ITIH4: variants seen among roughly 807,000 people sequenced by gnomAD.
ITIH4 encodes the protein inter-alpha-trypsin inhibitor heavy chain H4.
A neutral mutation model predicts 111.8 loss-of-function variants in ITIH4; 79 were observed. The ratio of observed to expected loss-of-function variants is 0.71; its 90% CI spans 0.59 to 0.85. The LOEUF is 0.85. Ranked by LOEUF, ITIH4 falls within the 40% of genes least tolerant of loss-of-function variation. The pLI is 0.00. For synonymous variants in ITIH4, 472 were observed against 468.3 expected, an observed-to-expected ratio of 1.01 and a Z score of -0.10; for missense variants, 1,065 against 1,195.8, an observed-to-expected ratio of 0.89 and a Z score of 1.61.
At position 52,819,374 on chromosome 3, in the gene ITIH4, G is replaced by A. The variant is rs1452176388; in HGVS notation, c.2077+19C>T. 2 of 1,613,644 alleles carry A rather than the reference G, an allele frequency of 1.2e-6. No individual in the cohort carries two copies. Among genetic ancestry groups the A allele is most frequent in the South Asian group, 2.2e-5 (2 of 91,076 alleles). ...ACCGTGGGAAACCGAGGCCCTCGCA[G>A]GGCCGGAAGGCAGCTTACAGATGGC... On this transcript the variant is annotated intron_variant, in intron 17 of 23. Transcript: ENST00000266041.
intron 13 of ITIH4, 84 bp downstream of exon 13, chr3:52,820,547 T>C: frequency 4.0e-6 from 6 of 1,491,172 alleles, no homozygotes; most frequent in Admixed American, 2.0e-5. Context: ...GTTGGGGTCT[T>C]GGTCAGGATG....
At chr3:52,822,433 C>G (rs1700399918) in intron 11 of ITIH4, 1 of 152,116 alleles carries the variant, frequency 6.6e-6, no homozygotes, top group Non-Finnish European at 1.5e-5. Context: ...TAAAACAAGC[C>G]ATGTCTGTCT....
At chr3:52,830,464 T>C (rs974216392) in intron 1 of ITIH4, 89 bp downstream of exon 1, 17 of 1,261,004 alleles carry the variant, frequency 1.3e-5, no homozygotes, top group Non-Finnish European at 1.9e-5. Context: ...GCACTTGTGC[T>C]GACACGCTGG....
At chr3:52,825,016 T>C in intron 6 of ITIH4, 58 bp from the exon 7 acceptor site, 1 of 1,173,540 alleles carries the variant, frequency 8.5e-7, no homozygotes, top group Non-Finnish European at 1.2e-6. Flanking sequence ...CCTATCCCCA[T>C]TCAGCCCCTT....
chr3:52,828,155 C>T (rs1353784970), intron 2 of ITIH4, among the ~76,000 whole-genome samples: 3 of 152,192 alleles, frequency 2.0e-5, no homozygotes, highest in Non-Finnish European at 4.4e-5. Context: ...TCTCTGCTCC[C>T]CTAACTCATG....
At chr3:52,815,597 C>T (rs368943892) in intron 21 of ITIH4, among the ~76,000 whole-genome samples, 133 of 152,164 alleles carry the variant, frequency 8.7e-4, no homozygotes, top group African/African-American at 3.1e-3. Context: ...TCTCTCCCTA[C>T]AATTAATAGG....
chr3:52,830,337 GA>G, intron 1 of ITIH4: 1 of 649,922 alleles, frequency 1.5e-6, no homozygotes, highest in Non-Finnish European at 2.9e-6. Flanking sequence ...TCCTCATTTG[GA>G]AAATGGAAAT....
At chr3:52,814,425 T>C in intron 21 of ITIH4, 62 bp from the exon 22 acceptor site, 1 of 1,486,182 alleles carries the variant, frequency 6.7e-7, no homozygotes. Flanking sequence ...ACCTCAGTAG[T>C]CAGGGTGGGG....
intron 14 of ITIH4, 94 bp from the exon 15 acceptor site, chr3:52,820,084 C>T (rs1700351188): frequency 1.4e-6 from 2 of 1,405,330 alleles, no homozygotes; most frequent in Non-Finnish European, 2.0e-6. Flanking sequence ...GGGGACAGGG[C>T]CTGAGGCACA....
Position 52,824,526 on chromosome 3 carries a change from G to A in ITIH4, c.916C>T (p.Pro306Ser). Reference protein sequence around the residue: ...ALIKILDDLSPRDQFNLIVFS... With the variant: ...ALIKILDDLSSRDQFNLIVFS... Reference sequence around the variant, plus strand: ...ACGATGAGGTTGAACTGGTCTCTGGGGCTGAGGTCATCCAGGATCTTGATT... The same window carrying A: ...ACGATGAGGTTGAACTGGTCTCTGGAGCTGAGGTCATCCAGGATCTTGATT... The change falls in exon 8 of 24, where the codon CCC becomes TCC. Residue 306 changes from proline to serine, a missense_variant. By Grantham distance (74) the Pro-to-Ser change is moderately conservative. Coordinates refer to ENST00000266041, the MANE Select transcript of ITIH4 (RefSeq NM_002218.5). This position sits in a 1 kb window ranked among gnomAD's most constrained non-coding sequence, Gnocchi z 4.3. 1.2e-6 allele frequency: 2 copies of A among 1,613,876 alleles called. No homozygotes were observed. Among genetic ancestry groups the A allele is most frequent in the Non-Finnish European group, 1.7e-6 (2 of 1,179,994 alleles).
intron 17 of ITIH4, chr3:52,819,072 G>A (rs564870746): frequency 3.8e-5 from 14 of 371,566 alleles, no homozygotes; most frequent in African/African-American, 2.5e-4. Flanking sequence ...GCTCTGTCAT[G>A]GCCTGTGGTC....
At chr3:52,818,350 C>G in intron 18 of ITIH4, 67 bp from the exon 19 acceptor site, 1 of 1,568,214 alleles carries the variant, frequency 6.4e-7, no homozygotes, top group Non-Finnish European at 8.7e-7. Flanking sequence ...AGGGAGGGAG[C>G]AGTGACTAGG....
At position 52,826,847 on chromosome 3, in the gene ITIH4, C is replaced by T. The variant is rs747334942; in HGVS notation, c.463G>A (p.Gly155Arg). 9 of 1,613,936 alleles carry T rather than the reference C, an allele frequency of 5.6e-6. No homozygotes were observed. In the South Asian group the frequency reaches 7.7e-5, roughly 14 times the overall value. Residue 155 changes from glycine to arginine, a missense_variant, in exon 4 of 24, where the codon GGG becomes AGG. Coordinates refer to ENST00000266041, the MANE Select transcript of ITIH4 (RefSeq NM_002218.5). ...ACTTTCAGCAGCAGCTCGTACACCC[C>T]CAAACGCCGCTTGAGCAGCTCCTCA... ...VYEELLKRRLGVYELLLKVRP... is the reference protein window; with the variant it reads ...VYEELLKRRLRVYELLLKVRP...
chr3:52,825,144 TC>T (rs1157288561), intron 6 of ITIH4, 186 bp from the exon 7 acceptor site: 3 of 429,302 alleles, frequency 7.0e-6, no homozygotes. Context: ...GCGGAAGCCT[TC>T]CCTGCTCATG....
In ITIH4 at chr3:52,820,275, G is replaced by A. The variant is rs752088313; in HGVS notation, c.1861+16C>T. 6.2e-7 allele frequency: 1 copy of A among 1,614,050 alleles called. No individual in the cohort carries two copies. The highest frequency in any genetic ancestry group is 2.2e-5 in the East Asian group (1 of 44,878). On this transcript the variant is annotated intron_variant, in intron 14 of 23. Coordinates refer to ENST00000266041, the MANE Select transcript of ITIH4 (RefSeq NM_002218.5). ...ACCACCACCCAGCACAGCCTTTGAGGATGTTCGCTGCTTACCTGAGTGGAC... is the reference window on the plus strand; with the variant it reads ...ACCACCACCCAGCACAGCCTTTGAGAATGTTCGCTGCTTACCTGAGTGGAC...
chr3:52,818,309 A>G, intron 18 of ITIH4, 26 bp from the exon 19 acceptor site: 1 of 1,576,022 alleles, frequency 6.3e-7, no homozygotes. Context: ...GTCTGGGTTT[A>G]GGCAGCCCCT....
In ITIH4 at chr3:52,830,621, G is replaced by T. The variant is rs750541202; in HGVS notation, c.22C>A (p.Arg8Ser). 5.0e-6 allele frequency: 8 copies of T among 1,613,500 alleles called. No individual in the cohort carries two copies. In the Admixed American group the frequency reaches 1.2e-4, roughly 24 times the overall value. The change falls in exon 1 of 24, where the codon CGT becomes AGT. Residue 8 changes from arginine (R) to serine (S), a missense_variant. Transcript: ENST00000266041. MKPPRPV[R>S]TCSKVLVLLS... Reference sequence around the variant, plus strand: ...AGGACGAGAACTTTGCTGCAGGTACGGACAGGCCTTGGGGGCTTCATCGTG... The same window carrying T: ...AGGACGAGAACTTTGCTGCAGGTACTGACAGGCCTTGGGGGCTTCATCGTG...
chr3:52,822,443 T>C (rs1700400126), intron 11 of ITIH4: 1 of 152,214 alleles, frequency 6.6e-6, no homozygotes, highest in African/African-American at 2.4e-5. Context: ...CATGTCTGTC[T>C]GTGAACTCCC....
Position 52,825,207 on chromosome 3 carries a change from T to C in ITIH4, c.760-249A>G, listed in dbSNP as rs79077118. On this transcript the variant is annotated intron_variant, in intron 6 of 23. Coordinates refer to ENST00000266041, the MANE Select transcript of ITIH4 (RefSeq NM_002218.5). ...ACTTTTCCTTCTATTTGTTTTAGTATTTCAGATGGTTTATACTAAAAAGTT... is the reference window on the plus strand; with the variant it reads ...ACTTTTCCTTCTATTTGTTTTAGTACTTCAGATGGTTTATACTAAAAAGTT... 2,794 of 306,492 alleles carry C rather than the reference T, an allele frequency of 9.1e-3. 86 individuals carry two copies. Among genetic ancestry groups the C allele is most frequent in the African/African-American group, 0.055 (2,543 of 46,486 alleles). The allele number at this position is 306,492 out of a possible 1,614,324, so 19.0% of individuals were successfully genotyped here. A position where few individuals can be genotyped will look rare whatever the true frequency, so the allele number is the denominator to read the frequency against.
Sources: gnomAD v4.1 joint callset for allele counts (sites outside exome capture counted in the v4.1 genomes callset) on GRCh38, gnomAD v4.1.1 for gene constraint, Gnocchi (gnomAD v3.1) non-coding constraint, MANE v1.5 for transcripts, NCBI Gene and HGNC (gene_info 2026-07-23, HGNC 2026-07-21) for gene names.